FARS2: variants seen among roughly 807,000 people sequenced by gnomAD.
FARS2 encodes the protein phenylalanyl-tRNA synthetase 2, mitochondrial.
FARS2 carries 40 observed loss-of-function variants against 46.4 expected under a neutral mutation model. The observed-to-expected ratio is 0.86, with a 90% CI of 0.67 to 1.12. The LOEUF (loss-of-function observed/expected upper bound fraction) is 1.12. Ranked by LOEUF, FARS2 falls within the 50% of genes most tolerant of loss-of-function variation. The pLI, the probability that FARS2 is intolerant of heterozygous loss-of-function variation, is 0.00. For missense variants in FARS2, 513 were observed against 567.9 expected, an observed-to-expected ratio of 0.90 and a Z score of 0.98; for synonymous variants, 234 against 214.9, an observed-to-expected ratio of 1.09 and a Z score of -0.78.
Position 5,307,380 on chromosome 6 carries a change from G to T in FARS2, c.-22+45720G>T, listed in dbSNP as rs1201497158. ...TTTTCCAATTATAAATTATCCTCTA[G>T]TGGGCTTTTTGTGCATTAGTTCTTT... On this transcript the variant is annotated intron_variant, in intron 1 of 6. Coordinates refer to ENST00000274680, the MANE Select transcript of FARS2 (RefSeq NM_006567.5). 2.6e-5 allele frequency among the ~76,000 whole-genome samples: 4 copies of T among 152,112 alleles called. No homozygotes were observed. The East Asian group carries it at 7.7e-4, about 29-fold the overall frequency.
At chr6:5,389,419 T>C (rs759105402) in intron 2 of FARS2, among the ~76,000 whole-genome samples, 2 of 152,198 alleles carry the variant, frequency 1.3e-5, no homozygotes, top group African/African-American at 4.8e-5. Flanking sequence ...CTTTCTTTCA[T>C]GTACTCAATC....
rs186129301 is a variant in FARS2 at position 5,515,369 on chromosome 6, G to A, written c.905-29811G>A. 5.3e-5 allele frequency among the ~76,000 whole-genome samples: 8 copies of A among 152,186 alleles called. No homozygotes were observed. The East Asian group carries it at 1.4e-3, about 26-fold the overall frequency. On this transcript the variant is annotated intron_variant, in intron 4 of 6. Transcript: ENST00000274680. ...GACTATGATATAGTCATTTCATGGG[G>A]ATATTGCCATTTTAGAAAAAGTAGT... is the stretch of plus-strand genomic sequence containing the variant.
intron 2 of FARS2, among the ~76,000 whole-genome samples, chr6:5,384,427 T>C (rs1759988324): frequency 6.6e-6 from 1 of 152,214 alleles, no homozygotes; most frequent in Non-Finnish European, 1.5e-5. Context: ...CTGAGAGCAC[T>C]GCGGAGGGCA....
At chr6:5,662,989 C>T (rs1013529713) in intron 6 of FARS2, among the ~76,000 whole-genome samples, 5 of 152,214 alleles carry the variant, frequency 3.3e-5, no homozygotes, top group African/African-American at 1.2e-4. Context: ...ATCTTGGATG[C>T]AGTGATGGTG....
intron 4 of FARS2, among the ~76,000 whole-genome samples, chr6:5,460,119 T>G (rs1393912561): frequency 6.6e-6 from 1 of 152,224 alleles, no homozygotes; most frequent in Admixed American, 6.5e-5. Flanking sequence ...AAACTGTAAT[T>G]ACCTTTTCTC....
At chr6:5,527,854 G>T (rs1398356324) in intron 4 of FARS2, among the ~76,000 whole-genome samples, 1 of 152,318 alleles carries the variant, frequency 6.6e-6, no homozygotes, top group Non-Finnish European at 1.5e-5. Context: ...AAAACTGTTT[G>T]TTGCAATGAT....
chr6:5,315,761 T>TCTTTCTTTCTTCCTTTCTTTC (rs1561952069), intron 1 of FARS2, among the ~76,000 whole-genome samples: 2 of 132,638 alleles, frequency 1.5e-5, no homozygotes, highest in Non-Finnish European at 1.6e-5. Context: ...TTTCTTTCTT[T>TCTTTCTTTCTTCCTTTCTTTC]TTTTTGGGGA....
chr6:5,675,356 A>G (rs1275324346), intron 6 of FARS2, among the ~76,000 whole-genome samples: 1 of 152,218 alleles, frequency 6.6e-6, no homozygotes, highest in Non-Finnish European at 1.5e-5. Context: ...GGGAGGAGTA[A>G]CAGAGAATTT....
At chr6:5,338,606 C>G (rs1306389656) in intron 1 of FARS2, among the ~76,000 whole-genome samples, 2 of 134,808 alleles carry the variant, frequency 1.5e-5, no homozygotes, top group African/African-American at 5.4e-5. Context: ...AGAAGTTTAC[C>G]TCTTTGATAG....
intron 4 of FARS2, among the ~76,000 whole-genome samples, chr6:5,514,583 C>T (rs902561080): frequency 1.3e-5 from 2 of 152,176 alleles, no homozygotes; most frequent in Non-Finnish European, 2.9e-5. Flanking sequence ...ATCATGGTTT[C>T]AGTTTGTAAA....
chr6:5,341,224 TATATATATA>T (rs1245235452), intron 1 of FARS2, among the ~76,000 whole-genome samples: 25 of 7,054 alleles, frequency 3.5e-3, no homozygotes, highest in African/African-American at 0.01. Flanking sequence ...TATATATATA[TATATATATA>T]TATTTTTTTT....
At chr6:5,423,077 C>T (rs6930067) in intron 3 of FARS2, among the ~76,000 whole-genome samples, 3,234 of 147,116 alleles carry the variant, frequency 0.022, 123 homozygotes, top group African/African-American at 0.073. Context: ...TCCAGGCTGT[C>T]CCCCACCCGA....
intron 6 of FARS2, among the ~76,000 whole-genome samples, chr6:5,636,314 C>G (rs1776543863): frequency 6.6e-6 from 1 of 152,224 alleles, no homozygotes; most frequent in Non-Finnish European, 1.5e-5. Context: ...GAAGGCCTGA[C>G]AGTGTACGGT....
chr6:5,317,826 C>G (rs528496269), intron 1 of FARS2, among the ~76,000 whole-genome samples: 1 of 151,702 alleles, frequency 6.6e-6, no homozygotes, highest in Admixed American at 6.6e-5. Flanking sequence ...AAATTTTTCT[C>G]AGACAAGGTT....
At chr6:5,444,105 GTGTGTGTGTGTGTGTGTGTGTA>G (rs1375037140) in intron 4 of FARS2, among the ~76,000 whole-genome samples, 1 of 151,192 alleles carries the variant, frequency 6.6e-6, no homozygotes, top group African/African-American at 2.4e-5. Flanking sequence ...GTGTGTGTGT[GTGTGTGTGTGTGTGTGTGTGTA>G]TGTGTGCATG....
At chr6:5,569,738 A>G (rs756039725) in intron 5 of FARS2, among the ~76,000 whole-genome samples, 2 of 152,130 alleles carry the variant, frequency 1.3e-5, no homozygotes, top group Non-Finnish European at 2.9e-5. Flanking sequence ...TGAGCCCTTT[A>G]AGAGAGGATG....
At chr6:5,683,605 CT>C (rs201642558) in intron 6 of FARS2, among the ~76,000 whole-genome samples, 179 of 146,162 alleles carry the variant, frequency 1.2e-3, no homozygotes, top group East Asian at 8.2e-3. Flanking sequence ...TTGTTTTTTT[CT>C]TTTTTTTTTT....
intron 4 of FARS2, among the ~76,000 whole-genome samples, chr6:5,438,660 A>G (rs1415500749): frequency 6.6e-6 from 1 of 152,160 alleles, no homozygotes; most frequent in Non-Finnish European, 1.5e-5. Context: ...TTGAATATCC[A>G]TTATCCAAAA....
intron 1 of FARS2, among the ~76,000 whole-genome samples, chr6:5,356,544 G>T (rs1443684827): frequency 6.6e-6 from 1 of 152,012 alleles, no homozygotes; most frequent in African/African-American, 2.4e-5. Context: ...GTGCAAGAAG[G>T]CTGTGATGTG....
Sources: allele counts gnomAD v4.1 joint callset (sites outside exome capture counted in the v4.1 genomes callset), GRCh38; gene constraint gnomAD v4.1.1; transcripts MANE v1.5; gene names NCBI Gene and HGNC (gene_info 2026-07-23, HGNC 2026-07-21).